DAB1: variants seen among roughly 807,000 people sequenced by gnomAD.
DAB1 encodes the protein DAB adaptor protein 1.
Under a neutral mutation model 64.6 loss-of-function variants are expected in DAB1, and 15 were observed. The ratio of observed to expected loss-of-function variants is 0.23; its 90% CI spans 0.16 to 0.36. The LOEUF (loss-of-function observed/expected upper bound fraction) is 0.36, where lower values mean the gene tolerates loss of function less well. Among genes scored for constraint, DAB1 ranks in the 10% least tolerant of loss-of-function variants. The pLI is 1.00. For missense variants in DAB1, 596 were observed against 706.7 expected (o/e 0.84, Z 1.78); for synonymous variants, 235 against 251.9 (o/e 0.93, Z 0.64).
chr1:58,215,904 G>A (rs1658824195), intron 4 of DAB1, among the ~76,000 whole-genome samples: 1 of 152,124 alleles, frequency 6.6e-6, no homozygotes, highest in African/African-American at 2.4e-5. Context: ...TTTAACCACA[G>A]CACCCATCAC....
At chr1:57,044,026 C>G (rs1648145307) in intron 9 of DAB1, among the ~76,000 whole-genome samples, 1 of 152,168 alleles carries the variant, frequency 6.6e-6, no homozygotes. Flanking sequence ...TCATTCCTGC[C>G]TCAAGGCTTT....
At chr1:57,830,382 C>A (rs1652534200) in intron 1 of DAB1, among the ~76,000 whole-genome samples, 1 of 152,132 alleles carries the variant, frequency 6.6e-6, no homozygotes, top group African/African-American at 2.4e-5. Flanking sequence ...TATTACTTTT[C>A]CTATTTTTAG....
intron 1 of DAB1, among the ~76,000 whole-genome samples, chr1:57,372,780 T>G (rs1680602949): frequency 6.6e-6 from 1 of 152,202 alleles, no homozygotes; most frequent in South Asian, 2.1e-4. Context: ...GAACTCTTTC[T>G]GTTTATACAC....
At chr1:58,519,036 C>T (rs1374592191) in intron 2 of DAB1, among the ~76,000 whole-genome samples, 1 of 152,154 alleles carries the variant, frequency 6.6e-6, no homozygotes, top group Admixed American at 6.5e-5. Context: ...TATCTCTACA[C>T]TTATTGCTCG....
At chr1:57,033,552 A>G in intron 9 of DAB1, 1 of 1,612,832 alleles carries the variant, frequency 6.2e-7, no homozygotes, top group South Asian at 1.1e-5. Flanking sequence ...CGTTCTTCAA[A>G]ATCCTCAAAC....
rs535599870 is a variant in DAB1, at chr1:57,382,748, AT to A, written c.-137+41181del. Among the ~76,000 whole-genome samples, 5 of 152,252 alleles carry A rather than the reference AT, an allele frequency of 3.3e-5. No homozygotes were observed. In the South Asian group the frequency reaches 6.2e-4, roughly 19 times the overall value. On this transcript the variant is annotated intron_variant, in intron 1 of 14. Transcript: ENST00000371236. Reference sequence around the variant, plus strand: ...AGCTTTTAGAGATTCAGATGGTTCGATTGGTCCACCTTGATAATCCAAGATC... The same window carrying A: ...AGCTTTTAGAGATTCAGATGGTTCGATGGTCCACCTTGATAATCCAAGATC...
At chr1:57,113,906 G>A (rs1227364131) in intron 4 of DAB1, among the ~76,000 whole-genome samples, 1 of 152,142 alleles carries the variant, frequency 6.6e-6, no homozygotes, top group East Asian at 1.9e-4. Context: ...TACTCCTGAG[G>A]ACTATTTGAG....
At chr1:58,065,002 G>T (rs890057330) in intron 5 of DAB1, among the ~76,000 whole-genome samples, 3 of 152,162 alleles carry the variant, frequency 2.0e-5, no homozygotes, top group African/African-American at 7.2e-5. Flanking sequence ...GAGCCACCGC[G>T]CCCGGCCAAC....
intron 7 of DAB1, among the ~76,000 whole-genome samples, chr1:57,586,885 G>A (rs1645387613): frequency 6.6e-6 from 1 of 151,760 alleles, no homozygotes; most frequent in Non-Finnish European, 1.5e-5. Context: ...ATCTCATTCT[G>A]GGATCAAATC....
In DAB1 at chr1:57,254,769, TA is replaced by T. The variant is rs987647643; in HGVS notation, c.67+36194del. 7.3e-4 allele frequency among the ~76,000 whole-genome samples: 110 copies of T among 151,530 alleles called. 1 individual carries two copies. The highest frequency in any genetic ancestry group is 2.7e-3 in the South Asian group (13 of 4,794). On this transcript the variant is annotated intron_variant, in intron 2 of 14. Coordinates refer to ENST00000371236, the MANE Select transcript of DAB1 (RefSeq NM_001365792.1). ...ATGAAAACAAAATGCATGCTTAATA[TA>T]AAAAAAAGGTATAGAGATATACATA...
intron 2 of DAB1, among the ~76,000 whole-genome samples, chr1:57,180,429 A>C (rs999102989): frequency 8.5e-5 from 13 of 152,360 alleles, no homozygotes; most frequent in Admixed American, 5.2e-4. Context: ...ATGTGTCAGC[A>C]ACCCAGGACT....
chr1:57,074,393 A>T (rs1651794407), intron 4 of DAB1, among the ~76,000 whole-genome samples: 1 of 152,136 alleles, frequency 6.6e-6, no homozygotes, highest in Admixed American at 6.5e-5. Context: ...ATACTCTCTA[A>T]GCTCTTATTC....
intron 1 of DAB1, among the ~76,000 whole-genome samples, chr1:57,373,158 G>A (rs1470497509): frequency 6.6e-6 from 1 of 152,190 alleles, no homozygotes; most frequent in Admixed American, 6.5e-5. Context: ...GTCCACTCCA[G>A]CTTGGGTGTG....
intron 9 of DAB1, among the ~76,000 whole-genome samples, chr1:57,036,843 C>A (rs1015289446): frequency 6.6e-6 from 1 of 152,158 alleles, no homozygotes. Context: ...TTCCTATAAT[C>A]TCTTTTCAAA....
intron 4 of DAB1, 86 bp downstream of exon 4, chr1:57,136,457 A>G (rs1171001087): frequency 4.5e-6 from 3 of 669,414 alleles, no homozygotes; most frequent in Non-Finnish European, 7.1e-6. Flanking sequence ...TGCTTGTTGT[A>G]TATTCCTGCC....
At chr1:57,397,751 T>A (rs1682930707) in intron 1 of DAB1, among the ~76,000 whole-genome samples, 2 of 152,248 alleles carry the variant, frequency 1.3e-5, no homozygotes, top group African/African-American at 2.4e-5. Flanking sequence ...ACTGATGACA[T>A]GTATTAACTT....
At chr1:57,047,769 A>G (rs112752101) in intron 9 of DAB1, among the ~76,000 whole-genome samples, 34 of 152,298 alleles carry the variant, frequency 2.2e-4, no homozygotes, top group African/African-American at 7.9e-4. Flanking sequence ...GCCCCATCCC[A>G]GGCTCTCAAG....
At chr1:57,053,445 G>T (rs1293696742) in intron 9 of DAB1, among the ~76,000 whole-genome samples, 1 of 151,598 alleles carries the variant, frequency 6.6e-6, no homozygotes, top group East Asian at 1.9e-4. Context: ...ATGGGGTATT[G>T]CTATGTTGCC....
chr1:58,128,806 C>T (rs1207679147), intron 5 of DAB1, among the ~76,000 whole-genome samples: 1 of 143,966 alleles, frequency 6.9e-6, no homozygotes, highest in Admixed American at 7.0e-5. Context: ...AGGGATGAAG[C>T]CCACTTGATC....
Sources: allele counts gnomAD v4.1 joint callset (sites outside exome capture counted in the v4.1 genomes callset), GRCh38; gene constraint gnomAD v4.1.1; transcripts MANE v1.5; gene names NCBI Gene and HGNC (gene_info 2026-07-23, HGNC 2026-07-21).